METTL15: variants seen among roughly 807,000 people sequenced by gnomAD.
The protein encoded by METTL15 is 12S rRNA N(4)-cytidine methyltransferase METTL15.
In METTL15, 34 loss-of-function variants were observed where a neutral mutation model predicts 38.3. That is an observed-to-expected ratio of 0.89 (90% CI 0.68 to 1.18). The LOEUF is 1.18. Ranked by LOEUF, METTL15 falls within the 50% of genes most tolerant of loss-of-function variation. The probability of loss-of-function intolerance (pLI) is 0.00; values close to 1 mark genes in which losing one functional copy is unlikely to be tolerated. For missense variants in METTL15, 438 were observed against 498.4 expected (o/e 0.88, Z 1.15); for synonymous variants, 162 against 170.9 (o/e 0.95, Z 0.41).
chr11:28,468,245 T>G (rs1444768680), intron 6 of METTL15, among the ~76,000 whole-genome samples: 1 of 152,148 alleles, frequency 6.6e-6, no homozygotes, highest in Non-Finnish European at 1.5e-5. Flanking sequence ...AAACTACATG[T>G]TTTATTAGGA....
intron 5 of METTL15, among the ~76,000 whole-genome samples, chr11:28,366,225 C>T (rs7105546): frequency 0.056 from 8,337 of 148,714 alleles, 403 homozygotes; most frequent in African/African-American, 0.13. Context: ...ACAGGAGCAA[C>T]TCAGTGACTC....
At chr11:28,263,001 CT>C (rs1313487168) in intron 4 of METTL15, among the ~76,000 whole-genome samples, 2 of 151,690 alleles carry the variant, frequency 1.3e-5, no homozygotes, top group East Asian at 1.9e-4. Context: ...TGTCTGTTTT[CT>C]TTTTTTTAAT....
intron 4 of METTL15, among the ~76,000 whole-genome samples, chr11:28,237,243 C>A (rs1590202279): frequency 6.6e-6 from 1 of 152,300 alleles, no homozygotes; most frequent in Non-Finnish European, 1.5e-5. Flanking sequence ...GTACACCAAT[C>A]AGATGCAGAT....
intron 5 of METTL15, among the ~76,000 whole-genome samples, chr11:28,364,913 T>C (rs1212286785): frequency 6.6e-6 from 1 of 152,144 alleles, no homozygotes; most frequent in African/African-American, 2.4e-5. Flanking sequence ...AAGAAGACTT[T>C]TTCTGTGTCT....
chr11:28,354,043 A>G (rs557017509), intron 4 of METTL15, among the ~76,000 whole-genome samples: 2 of 152,350 alleles, frequency 1.3e-5, no homozygotes, highest in South Asian at 4.1e-4. Flanking sequence ...GAAGCTGGAC[A>G]TATCTCAGGA....
intron 4 of METTL15, among the ~76,000 whole-genome samples, chr11:28,275,494 A>G (rs914491382): frequency 1.3e-5 from 2 of 151,984 alleles, no homozygotes; most frequent in Non-Finnish European, 2.9e-5. Context: ...GCCCAGGACT[A>G]TATGGATTCA....
chr11:28,375,442 G>T (rs2133379174), intron 5 of METTL15, among the ~76,000 whole-genome samples: 1 of 152,042 alleles, frequency 6.6e-6, no homozygotes, highest in South Asian at 2.1e-4. Flanking sequence ...AGATTTTCTA[G>T]TTTATTTGCA....
chr11:28,183,178 A>G (rs1396058861), intron 3 of METTL15, among the ~76,000 whole-genome samples: 2 of 152,096 alleles, frequency 1.3e-5, no homozygotes, highest in Admixed American at 6.6e-5. Flanking sequence ...GGGATTTTCT[A>G]AATATACGCT....
At chr11:28,514,102 C>T (rs546473965) in intron 6 of METTL15, among the ~76,000 whole-genome samples, 2 of 152,332 alleles carry the variant, frequency 1.3e-5, no homozygotes, top group East Asian at 3.9e-4. Flanking sequence ...ATCCATTCCA[C>T]CCCTCCCCCA....
chr11:28,388,365 G>T (rs1291283921), intron 5 of METTL15, among the ~76,000 whole-genome samples: 2 of 152,006 alleles, frequency 1.3e-5, no homozygotes, highest in African/African-American at 4.8e-5. Flanking sequence ...ATTCAAGAAA[G>T]TTGCATGATA....
intron 3 of METTL15, among the ~76,000 whole-genome samples, chr11:28,174,771 C>T (rs1427318613): frequency 2.7e-5 from 4 of 147,344 alleles, no homozygotes; most frequent in South Asian, 2.1e-4. Flanking sequence ...GAAGAGATTG[C>T]GCCACTGCAC....
intron 4 of METTL15, among the ~76,000 whole-genome samples, chr11:28,229,766 G>A (rs1015564277): frequency 1.3e-5 from 2 of 151,930 alleles, no homozygotes; most frequent in Non-Finnish European, 2.9e-5. Flanking sequence ...ATGTTTTGTT[G>A]TAGCACCCTA....
the METTL15 span, among the ~76,000 whole-genome samples, chr11:28,532,384 A>G: frequency 6.6e-6 from 1 of 152,052 alleles, no homozygotes; most frequent in African/African-American, 2.4e-5. Flanking sequence ...GAAATTTCCT[A>G]TTTGTGTGTG....
chr11:28,124,992 C>T (rs975868916), intron 3 of METTL15, among the ~76,000 whole-genome samples: 2 of 151,966 alleles, frequency 1.3e-5, no homozygotes, highest in East Asian at 1.9e-4. Context: ...AAATAGTGAA[C>T]TACTTTTATG....
chr11:28,214,699 A>G (rs1406816187), intron 4 of METTL15, among the ~76,000 whole-genome samples: 1 of 152,216 alleles, frequency 6.6e-6, no homozygotes, highest in African/African-American at 2.4e-5. Flanking sequence ...TGTAAATAGG[A>G]TTTTTCTATA....
At position 28,377,168 on chromosome 11, in the gene METTL15, G is replaced by C. The variant is rs1183994111; in HGVS notation, c.*358+15132G>C. ...GTTGCTCTTCTCAAGGAGTATCTTT[G>C]TGGCGTTCTCTGTATTTCCTGAATC... On this transcript the variant is annotated intron_variant and NMD_transcript_variant, in intron 5 of 7. Transcript: ENST00000532947. Among the ~76,000 whole-genome samples, 10 of 147,386 alleles carry C rather than the reference G, an allele frequency of 6.8e-5. No individual in the cohort carries two copies. The East Asian group carries it at 1.6e-3, about 23-fold the overall frequency.
At chr11:28,231,715 T>A (rs1853692070) in intron 4 of METTL15, among the ~76,000 whole-genome samples, 1 of 151,866 alleles carries the variant, frequency 6.6e-6, no homozygotes, top group Non-Finnish European at 1.5e-5. Context: ...GTAGCGTTAT[T>A]CATCCCACTT....
intron 3 of METTL15, among the ~76,000 whole-genome samples, chr11:28,147,228 C>T (rs993860403): frequency 6.6e-6 from 1 of 151,832 alleles, no homozygotes; most frequent in African/African-American, 2.4e-5. Flanking sequence ...ATCTTGAAGC[C>T]TCAACAATAT....
intron 2 of METTL15, among the ~76,000 whole-genome samples, chr11:28,111,958 T>TC (rs550588245): frequency 0.018 from 2,644 of 148,768 alleles, 22 homozygotes; most frequent in East Asian, 0.03. Flanking sequence ...GATCACTCAT[T>TC]CCCCCCCCCA....
Sources: gnomAD v4.1 joint callset for allele counts (sites outside exome capture counted in the v4.1 genomes callset) on GRCh38, gnomAD v4.1.1 for gene constraint, MANE v1.5 for transcripts, NCBI Gene and HGNC (gene_info 2026-07-23, HGNC 2026-07-21) for gene names.